DNAI4: variants seen among roughly 807,000 people sequenced by gnomAD.
DNAI4 encodes the protein WD repeat domain 78.
A neutral mutation model predicts 105.8 loss-of-function variants in DNAI4; 85 were observed. The observed-to-expected ratio is 0.80, with a 90% CI of 0.67 to 0.96. The LOEUF (loss-of-function observed/expected upper bound fraction) is 0.96, where lower values mean the gene tolerates loss of function less well. Ranked by LOEUF, DNAI4 falls within the 40% of genes least tolerant of loss-of-function variation. The pLI, the probability that DNAI4 is intolerant of heterozygous loss-of-function variation, is 0.00. For synonymous variants in DNAI4, 352 were observed against 331.5 expected, an observed-to-expected ratio of 1.06 and a Z score of -0.67; for missense variants, 1,014 against 1,005.6, an observed-to-expected ratio of 1.01 and a Z score of -0.11.
chr1:66,835,114 C>G (rs2483706), intron 11 of DNAI4, among the ~76,000 whole-genome samples: 1 of 152,100 alleles, frequency 6.6e-6, no homozygotes, highest in Non-Finnish European at 1.5e-5. Context: ...TTACATGTCC[C>G]ATGTTATATG....
chr1:66,823,860 G>T (rs1353267662), intron 15 of DNAI4, among the ~76,000 whole-genome samples: 2 of 151,130 alleles, frequency 1.3e-5, no homozygotes, highest in African/African-American at 4.9e-5. Flanking sequence ...TTTGTAGGTT[G>T]TCTGTTCACT....
intron 4 of DNAI4, among the ~76,000 whole-genome samples, chr1:66,878,640 A>G (rs1041446069): frequency 2.0e-5 from 3 of 152,196 alleles, no homozygotes; most frequent in Non-Finnish European, 2.9e-5. Context: ...TAAGCTAAAC[A>G]TGAGTTTATA....
At position 66,862,255 on chromosome 1, in the gene DNAI4, C is replaced by T. The variant is rs746587209; in HGVS notation, c.988G>A (p.Glu330Lys). Residue 330 changes from glutamate to lysine, a missense_variant, in exon 7 of 17, where the codon GAA becomes AAA. Transcript: ENST00000371026. ...TGTTTTACTGATAAAGATACAAGTT[C>T]CATAGCATTGTAAGAATCATACAAA... Reference protein sequence around the residue: ...WDLYDSYNAMELVSLSVKQSV... With the variant: ...WDLYDSYNAMKLVSLSVKQSV... 7.5e-6 allele frequency: 12 copies of T among 1,610,410 alleles called. No individual in the cohort carries two copies. In the African/African-American group the frequency reaches 8.0e-5, roughly 11 times the overall value.
chr1:66,902,932 T>C (rs1336110946), intron 2 of DNAI4, among the ~76,000 whole-genome samples: 3 of 152,246 alleles, frequency 2.0e-5, no homozygotes, highest in African/African-American at 4.8e-5. Context: ...ACCACCCTGT[T>C]TGGATTACTA....
intron 5 of DNAI4, among the ~76,000 whole-genome samples, chr1:66,872,646 T>A (rs1646871116): frequency 6.6e-6 from 1 of 152,108 alleles, no homozygotes; most frequent in African/African-American, 2.4e-5. Context: ...AGGTGACGTG[T>A]TTTTAAAAAA....
At position 66,826,853 on chromosome 1, in the gene DNAI4, T is replaced by C; in HGVS notation, c.2306A>G (p.Asn769Ser). ...ATGAAGGTCCCAAATCTCCACCCTGTTCTCATTTGCAGCTGCAAATATATA... is the reference window on the plus strand; with the variant it reads ...ATGAAGGTCCCAAATCTCCACCCTGCTCTCATTTGCAGCTGCAAATATATA... ...SSYIFAAANE[N>S]RVEIWDLHIS... Residue 769 changes from asparagine to serine, a missense_variant, in exon 15 of 17, where the codon AAC becomes AGC. Physicochemically the swap from Asn to Ser is conservative, Grantham distance 46. Coordinates refer to ENST00000371026, the MANE Select transcript of DNAI4 (RefSeq NM_024763.5). 2 of 1,614,106 alleles carry C rather than the reference T, an allele frequency of 1.2e-6. No homozygotes were observed. Among genetic ancestry groups the C allele is most frequent in the Non-Finnish European group, 1.7e-6 (2 of 1,180,006 alleles).
intron 16 of DNAI4, among the ~76,000 whole-genome samples, chr1:66,819,496 T>C (rs899124212): frequency 4.3e-4 from 65 of 152,270 alleles, no homozygotes; most frequent in African/African-American, 1.6e-3. Flanking sequence ...GTCTTTTGCT[T>C]GTGTGTTTGT....
Position 66,814,180 on chromosome 1 carries a change from C to A in DNAI4, c.2497G>T (p.Gly833Ter). 6.3e-7 allele frequency: 1 copy of A among 1,583,200 alleles called. No individual in the cohort carries two copies. The highest frequency in any genetic ancestry group is 8.5e-7 in the Non-Finnish European group (1 of 1,173,864). ...NMPTVLETGR[G>*]DIMDTLLGSK... ...CCAAGCAAAGTATCCATTATATCTC[C>A]CTGAAAAAAAAAAGTCACACAATTA... Residue 833 changes from glycine to a stop codon, truncating the protein, a stop_gained and splice_region_variant, in exon 17 of 17, where the codon GGA becomes TGA. Coordinates refer to ENST00000371026, the MANE Select transcript of DNAI4 (RefSeq NM_024763.5). LOFTEE classifies it high-confidence loss of function.
At position 66,893,224 on chromosome 1, in the gene DNAI4, T is replaced by C. The variant is rs1648007814; in HGVS notation, c.530+5A>G. On this transcript the variant is annotated splice_donor_5th_base_variant and intron_variant, in intron 3 of 16. Coordinates refer to ENST00000371026, the MANE Select transcript of DNAI4 (RefSeq NM_024763.5). Reference sequence around the variant, plus strand: ...AAAAAGGAACTATATAATAGTATACTCTACCTTGTAAACTGCCCTAACGTA... The same window carrying C: ...AAAAAGGAACTATATAATAGTATACCCTACCTTGTAAACTGCCCTAACGTA... 6.6e-7 allele frequency: 1 copy of C among 1,526,576 alleles called. No individual in the cohort carries two copies. The highest frequency in any genetic ancestry group is 8.8e-7 in the Non-Finnish European group (1 of 1,133,508). The allele number at this position is 1,526,576 out of a possible 1,614,324, so 94.6% of individuals were successfully genotyped here. A position where few individuals can be genotyped will look rare whatever the true frequency, so the allele number is the denominator to read the frequency against.
chr1:66,855,995 C>T (rs984002846), intron 7 of DNAI4, among the ~76,000 whole-genome samples: 3 of 151,522 alleles, frequency 2.0e-5, no homozygotes, highest in African/African-American at 4.9e-5. Flanking sequence ...CCACCACACC[C>T]GGCTAATTTT....
At chr1:66,920,757 A>C (rs1650427056) in intron 1 of DNAI4, among the ~76,000 whole-genome samples, 1 of 152,180 alleles carries the variant, frequency 6.6e-6, no homozygotes, top group Non-Finnish European at 1.5e-5. Flanking sequence ...CTGTATAATA[A>C]TTAGATTACA....
chr1:66,819,371 C>T (rs1284680704), intron 16 of DNAI4, among the ~76,000 whole-genome samples: 1 of 152,118 alleles, frequency 6.6e-6, no homozygotes, highest in African/African-American at 2.4e-5. Flanking sequence ...TCCCATTCAC[C>T]TTCCAAAAGT....
intron 6 of DNAI4, among the ~76,000 whole-genome samples, chr1:66,868,990 C>G (rs1320806062): frequency 6.6e-6 from 1 of 151,836 alleles, no homozygotes; most frequent in Non-Finnish European, 1.5e-5. Flanking sequence ...AGGAAAATCA[C>G]TTGAACCAAG....
intron 1 of DNAI4, among the ~76,000 whole-genome samples, chr1:66,911,578 G>A (rs1034825438): frequency 1.3e-5 from 2 of 152,166 alleles, no homozygotes; most frequent in African/African-American, 4.8e-5. Context: ...CAACTCATTA[G>A]CATACAAAAA....
At position 66,814,060 on chromosome 1, in the gene DNAI4, T is replaced by C. The variant is rs1276750865; in HGVS notation, c.*70A>G. Reference sequence around the variant, plus strand: ...TGAAATCAAAATCTGGTGTACAGTATGTAATACAGAATATTGGATGTTAAT... The same window carrying C: ...TGAAATCAAAATCTGGTGTACAGTACGTAATACAGAATATTGGATGTTAAT... On this transcript the variant is annotated 3_prime_UTR_variant, in exon 17 of 17. Coordinates refer to ENST00000371026, the MANE Select transcript of DNAI4 (RefSeq NM_024763.5). 9 of 1,241,024 alleles carry C rather than the reference T, an allele frequency of 7.3e-6. No homozygotes were observed. Among genetic ancestry groups the C allele is most frequent in the African/African-American group, 4.5e-5 (3 of 66,418 alleles). 76.9% of individuals were successfully genotyped at this position (1,241,024 alleles called of 1,614,324 possible).
chr1:66,866,004 C>T (rs1392644830), intron 6 of DNAI4, among the ~76,000 whole-genome samples: 7 of 152,006 alleles, frequency 4.6e-5, no homozygotes, highest in East Asian at 1.9e-4. Context: ...AAAAGGAAAG[C>T]GGGAACTGGA....
At chr1:66,840,345 C>T in intron 9 of DNAI4, 124 bp downstream of exon 9, 1 of 897,864 alleles carries the variant, frequency 1.1e-6, no homozygotes, top group East Asian at 2.6e-5. Flanking sequence ...CATTCTAAAA[C>T]TCAAAGTTAT....
At chr1:66,899,033 A>C (rs578219257) in intron 2 of DNAI4, among the ~76,000 whole-genome samples, 1 of 152,064 alleles carries the variant, frequency 6.6e-6, no homozygotes, top group Admixed American at 6.5e-5. Flanking sequence ...AGTTGTTTCC[A>C]CCTTTTGTCT....
At position 66,847,641 on chromosome 1, in the gene DNAI4, T is replaced by C; in HGVS notation, c.1134A>G (p.Val378=). Reference sequence around the variant, plus strand: ...CATCTTCATGGATTTTTGCCAGAATTACATTTTCTATGTCCATTAGAGAAC... The same window carrying C: ...CATCTTCATGGATTTTTGCCAGAATCACATTTTCTATGTCCATTAGAGAAC... ...ETSSLMDIEN[V]ILAKIHEDEE... is the part of the protein sequence containing the mutation. Residue 378 remains valine, a synonymous_variant, in exon 8 of 17, where the codon GTA becomes GTG. Coordinates refer to ENST00000371026, the MANE Select transcript of DNAI4 (RefSeq NM_024763.5). 1 of 1,613,122 alleles carries C rather than the reference T, an allele frequency of 6.2e-7. No individual in the cohort carries two copies. Among genetic ancestry groups the C allele is most frequent in the Non-Finnish European group, 8.5e-7 (1 of 1,179,686 alleles).
Sources: gnomAD v4.1 joint callset for allele counts (sites outside exome capture counted in the v4.1 genomes callset) on GRCh38, gnomAD v4.1.1 for gene constraint, MANE v1.5 for transcripts, NCBI Gene and HGNC (gene_info 2026-07-23, HGNC 2026-07-21) for gene names.